Variants in EGLN1 observed in about 807,000 individuals in gnomAD.
EGLN1 encodes the protein egl-9 family hypoxia inducible factor 1.
A neutral mutation model predicts 38.3 loss-of-function variants in EGLN1; 17 were observed. The observed-to-expected ratio is 0.44, with a 90% CI of 0.30 to 0.67. EGLN1 has a LOEUF of 0.67. Ranked by LOEUF, EGLN1 falls within the 30% of genes least tolerant of loss-of-function variation. The pLI is 0.08. For synonymous variants in EGLN1, 283 were observed against 257.5 expected (o/e 1.10, Z -0.95); for missense variants, 477 against 603.3 (o/e 0.79, Z 2.19).
intron 1 of EGLN1, among the ~76,000 whole-genome samples, chr1:231,397,534 T>C (rs1405859978): frequency 2.6e-5 from 4 of 152,206 alleles, no homozygotes; most frequent in African/African-American, 7.2e-5. Context: ...CTATGGCTAC[T>C]TTCAAATTAC....
intron 2 of EGLN1, 46 bp downstream of exon 2, chr1:231,373,934 A>G (rs1179590600): frequency 6.2e-7 from 1 of 1,608,926 alleles, no homozygotes; most frequent in South Asian, 1.1e-5. Context: ...CTTTTGAGAA[A>G]AAGACACCTG....
intron 3 of EGLN1, among the ~76,000 whole-genome samples, chr1:231,369,333 T>A (rs1214451517): frequency 2.6e-5 from 4 of 152,190 alleles, no homozygotes; most frequent in African/African-American, 9.7e-5. Flanking sequence ...TTATTTACTA[T>A]AAACTCCCAA....
At chr1:231,418,310 C>T (rs1255667060) in intron 1 of EGLN1, among the ~76,000 whole-genome samples, 5 of 152,180 alleles carry the variant, frequency 3.3e-5, no homozygotes, top group Non-Finnish European at 1.5e-5. Context: ...TGATTACTCA[C>T]ATATAAAGCT....
In EGLN1 at chr1:231,376,925, G is replaced by A. The variant is rs537310681; in HGVS notation, c.892-2826C>T. ...CAGGCCAGTGTGGCTGGAACACAGC[G>A]AGCACGGGCCAATGTGATCAGAGAG... On this transcript the variant is annotated intron_variant, in intron 1 of 4. Coordinates refer to ENST00000366641, the MANE Select transcript of EGLN1 (RefSeq NM_022051.3). 1.3e-3 allele frequency among the ~76,000 whole-genome samples: 202 copies of A among 152,260 alleles called. 2 individuals are homozygous for A. The highest frequency in any genetic ancestry group is 4.8e-3 in the African/African-American group (199 of 41,554).
At chr1:231,367,680 G>A (rs1687688911) in intron 3 of EGLN1, 44 bp from the exon 4 acceptor site, 1 of 1,565,754 alleles carries the variant, frequency 6.4e-7, no homozygotes, top group Non-Finnish European at 8.8e-7. Flanking sequence ...CACACTGCGG[G>A]GAAAAAGTGG....
In EGLN1 at chr1:231,421,676, T is replaced by C. The variant is rs1656621346; in HGVS notation, c.213A>G (p.Pro71=). The change falls in exon 1 of 5, where the codon CCA becomes CCG. Residue 71 remains proline (P), a synonymous_variant. Coordinates refer to ENST00000366641, the MANE Select transcript of EGLN1 (RefSeq NM_022051.3). The surrounding 1 kb of genome is among the most constrained non-coding windows in gnomAD (Gnocchi z 5.5). ...SEGALGHGVG[P]HQHSGPAPPA... Reference sequence around the variant, plus strand: ...GCGGCGCGGGGCCGGAATGCTGGTGTGGGCCCACTCCGTGGCCGAGGGCGC... The same window carrying C: ...GCGGCGCGGGGCCGGAATGCTGGTGCGGGCCCACTCCGTGGCCGAGGGCGC... The C allele has an allele frequency of 6.0e-6, 9 of 1,491,784 alleles. No individual in the cohort carries two copies. Among genetic ancestry groups the C allele is most frequent in the Non-Finnish European group, 8.0e-6 (9 of 1,126,606 alleles). The allele number at this position is 1,491,784 out of a possible 1,614,324, so 92.4% of individuals were successfully genotyped here.
intron 1 of EGLN1, among the ~76,000 whole-genome samples, chr1:231,380,448 T>C (rs1002008646): frequency 1.5e-4 from 21 of 142,088 alleles, no homozygotes; most frequent in Non-Finnish European, 2.8e-4. Context: ...AATTCATTTC[T>C]AAGTGTAAAT....
chr1:231,389,513 T>C (rs1688313823), intron 1 of EGLN1, among the ~76,000 whole-genome samples: 1 of 152,220 alleles, frequency 6.6e-6, no homozygotes, highest in Non-Finnish European at 1.5e-5. Context: ...GACACATTCC[T>C]CATGGACTGT....
At chr1:231,419,316 T>TGAA (rs1656483155) in intron 1 of EGLN1, among the ~76,000 whole-genome samples, 1 of 152,138 alleles carries the variant, frequency 6.6e-6, no homozygotes, top group African/African-American at 2.4e-5. Flanking sequence ...GTCCCTTCTC[T>TGAA]AAGGACAGGT....
At chr1:231,420,458 A>G (rs1020389053) in intron 1 of EGLN1, 17 of 181,912 alleles carry the variant, frequency 9.3e-5, no homozygotes, top group Non-Finnish European at 6.0e-5. Context: ...TCCTGAATAC[A>G]GAGTCTTTCG....
intron 1 of EGLN1, among the ~76,000 whole-genome samples, chr1:231,398,696 G>T (rs745775338): frequency 2.4e-4 from 36 of 152,188 alleles, no homozygotes; most frequent in Non-Finnish European, 2.1e-4. Flanking sequence ...GTAAAGAACA[G>T]ATTGGGGAAA....
At chr1:231,380,055 C>T (rs1688045148) in intron 1 of EGLN1, among the ~76,000 whole-genome samples, 1 of 100,592 alleles carries the variant, frequency 9.9e-6, no homozygotes, top group Non-Finnish European at 2.6e-5. Flanking sequence ...CAGTTGGAAA[C>T]TTGTGTGGAA....
At chr1:231,403,757 G>C (rs1197944606) in intron 1 of EGLN1, among the ~76,000 whole-genome samples, 1 of 100,836 alleles carries the variant, frequency 9.9e-6, no homozygotes, top group Non-Finnish European at 1.7e-5. Flanking sequence ...AACAGAGCCA[G>C]ACTCCATCTC....
At chr1:231,388,637 A>G (rs1004461449) in intron 1 of EGLN1, among the ~76,000 whole-genome samples, 3 of 134,412 alleles carry the variant, frequency 2.2e-5, no homozygotes, top group Non-Finnish European at 3.3e-5. Context: ...ATGCCTACCT[A>G]ATTTTTTGGT....
intron 1 of EGLN1, among the ~76,000 whole-genome samples, chr1:231,374,667 G>A (rs1397119735): frequency 1.3e-5 from 2 of 152,038 alleles, no homozygotes; most frequent in African/African-American, 4.8e-5. Context: ...ATAAGCACGT[G>A]TCACCAGGCT....
Position 231,421,729 on chromosome 1 carries a change from G to A in EGLN1, c.160C>T (p.His54Tyr). The change falls in exon 1 of 5, where the codon CAC (histidine) becomes TAC (tyrosine). Residue 54 changes from histidine (H) to tyrosine (Y), a missense_variant. His to Tyr is a moderately conservative substitution (Grantham distance 83, BLOSUM62 2). Around this residue, in one of 4 missense-constraint regions of EGLN1, gnomAD observed 298 missense variants for 288.9 expected, o/e 1.03. Coordinates refer to ENST00000366641, the MANE Select transcript of EGLN1 (RefSeq NM_022051.3). This position sits in a 1 kb window ranked among gnomAD's most constrained non-coding sequence, Gnocchi z 5.5. Reference sequence around the variant, plus strand: ...TCGCTGCCCTGGCACACGAGCTTGTGCTTCTTCCAGTCCTGACGCTGGTGC... The same window carrying A: ...TCGCTGCCCTGGCACACGAGCTTGTACTTCTTCCAGTCCTGACGCTGGTGC... Reference protein sequence around the residue: ...KEHQRQDWKKHKLVCQGSEGA... With the variant: ...KEHQRQDWKKYKLVCQGSEGA... The A allele has an allele frequency of 6.5e-7, 1 of 1,535,516 alleles. No individual in the cohort carries two copies. Among genetic ancestry groups the A allele is most frequent in the Non-Finnish European group, 8.7e-7 (1 of 1,148,988 alleles).
chr1:231,388,235 G>A lies in EGLN1; in HGVS notation c.892-14136C>T, dbSNP rs148910049. ...GCAAGAAGTCTAAGGACAGAGGATGGAGGCCTCACATTTGTAATTAAATTG... is the reference window on the plus strand; with the variant it reads ...GCAAGAAGTCTAAGGACAGAGGATGAAGGCCTCACATTTGTAATTAAATTG... On this transcript the variant is annotated intron_variant, in intron 1 of 4. Transcript: ENST00000366641. Among the ~76,000 whole-genome samples, 374 of 151,502 alleles carry A rather than the reference G, an allele frequency of 2.5e-3. 6 individuals carry two copies. The highest frequency in any genetic ancestry group is 8.4e-3 in the African/African-American group (347 of 41,436).
intron 1 of EGLN1, among the ~76,000 whole-genome samples, chr1:231,382,615 CCTA>C (rs1439456260): frequency 2.0e-5 from 3 of 152,148 alleles, no homozygotes; most frequent in African/African-American, 7.2e-5. Flanking sequence ...AATCTAATGG[CCTA>C]CTATTAGGGA....
At chr1:231,373,495 A>C (rs916652732) in intron 2 of EGLN1, among the ~76,000 whole-genome samples, 3 of 152,226 alleles carry the variant, frequency 2.0e-5, no homozygotes, top group African/African-American at 7.2e-5. Context: ...TTTTTAAGAT[A>C]TATCAGTACT....
Sources: gnomAD v4.1 joint callset for allele counts (sites outside exome capture counted in the v4.1 genomes callset) on GRCh38, gnomAD v4.1.1 for gene constraint, gnomAD v4.1.1 regional missense constraint, Gnocchi (gnomAD v3.1) non-coding constraint, MANE v1.5 for transcripts, NCBI Gene and HGNC (gene_info 2026-07-23, HGNC 2026-07-21) for gene names.